Variants in HSD17B3 observed in about 807,000 individuals in gnomAD.
HSD17B3 encodes the protein 17-beta-hydroxysteroid dehydrogenase type 3.
A neutral mutation model predicts 41.1 loss-of-function variants in HSD17B3; 29 were observed. That is an observed-to-expected ratio of 0.71 (90% CI 0.53 to 0.96). The LOEUF (loss-of-function observed/expected upper bound fraction) is 0.96, where lower values mean the gene tolerates loss of function less well. Among genes scored for constraint, HSD17B3 ranks in the 40% least tolerant of loss-of-function variants. HSD17B3 has a pLI of 0.00. For synonymous variants in HSD17B3, 126 were observed against 145.6 expected (o/e 0.87, Z 0.97); for missense variants, 323 against 374.6 (o/e 0.86, Z 1.14).
In HSD17B3 at chr9:96,240,813, A is replaced by G; in HGVS notation, c.767T>C (p.Leu256Ser). The G allele has an allele frequency of 6.2e-7, 1 of 1,614,214 alleles. No individual in the cohort carries two copies. Among genetic ancestry groups the G allele is most frequent in the Non-Finnish European group, 8.5e-7 (1 of 1,180,012 alleles). Residue 256 changes from leucine to serine, a missense_variant, in exon 10 of 11, where the codon TTG (leucine) becomes TCG (serine). Transcript: ENST00000375263. ...KTADEFVKES[L>S]NYVTIGGETC... Reference sequence around the variant, plus strand: ...TTCACCTCCAATTGTGACATAATTCAATGACTCTTTGACAAACTCATCAGC... The same window carrying G: ...TTCACCTCCAATTGTGACATAATTCGATGACTCTTTGACAAACTCATCAGC...
intron 1 of HSD17B3, 131 bp from the exon 2 acceptor site, chr9:96,298,593 A>G: frequency 1.3e-6 from 1 of 791,934 alleles, no homozygotes. Flanking sequence ...TTTGCTCTCC[A>G]GCCCACGCCC....
At chr9:96,285,640 C>T (rs947226403) in intron 2 of HSD17B3, among the ~76,000 whole-genome samples, 7 of 152,136 alleles carry the variant, frequency 4.6e-5, no homozygotes, top group Non-Finnish European at 7.4e-5. Context: ...GTTTGCTCAC[C>T]GTTTTCTTAA....
chr9:96,246,317 T>C, intron 7 of HSD17B3: 2 of 601,740 alleles, frequency 3.3e-6, no homozygotes, highest in Admixed American at 5.6e-5. Context: ...GAAACTGCCG[T>C]TCTCTTCCTC....
intron 2 of HSD17B3, among the ~76,000 whole-genome samples, chr9:96,269,524 G>C (rs967077340): frequency 5.9e-5 from 9 of 152,146 alleles, no homozygotes; most frequent in East Asian, 1.9e-4. Flanking sequence ...ATGTACTGAA[G>C]ATAAATGAAC....
At chr9:96,245,518 G>A (rs866436096) in intron 7 of HSD17B3, 92 bp from the exon 8 acceptor site, 66 of 925,566 alleles carry the variant, frequency 7.1e-5, no homozygotes, top group Admixed American at 1.7e-4. Flanking sequence ...GAACACTGCC[G>A]GACTCGACCC....
Position 96,255,367 on chromosome 9 carries a change from C to CTTTTTTTTTTTTTTTTTTTTTTTTTTT in HSD17B3, c.202-451_202-425dup, listed in dbSNP as rs869145717. ...AAGCAGTGTTTCTGCCCCAACATTTCTTTTTTTTTTTTTTTTTTTTTTTTT... is the reference window on the plus strand; with the variant it reads ...AAGCAGTGTTTCTGCCCCAACATTTCTTTTTTTTTTTTTTTTTTTTTTTTTTTTTTTTTTTTTTTTTTTTTTTTTTTT... On this transcript the variant is annotated intron_variant, in intron 2 of 10. Transcript: ENST00000375263. 1.1e-4 allele frequency among the ~76,000 whole-genome samples: 6 copies of CTTTTTTTTTTTTTTTTTTTTTTTTTTT among 54,566 alleles called. 2 individuals are homozygous for CTTTTTTTTTTTTTTTTTTTTTTTTTTT. Among genetic ancestry groups the CTTTTTTTTTTTTTTTTTTTTTTTTTTT allele is most frequent in the Admixed American group, 5.6e-4 (2 of 3,584 alleles). The allele number at this position is 54,566 out of a possible 152,430, so 35.8% of individuals were successfully genotyped here.
At chr9:96,295,208 C>T (rs1230207694) in intron 2 of HSD17B3, among the ~76,000 whole-genome samples, 3 of 151,752 alleles carry the variant, frequency 2.0e-5, no homozygotes, top group South Asian at 2.1e-4. Flanking sequence ...GGTTTCACTA[C>T]GTTGGTCAGG....
intron 6 of HSD17B3, 108 bp from the exon 7 acceptor site, chr9:96,246,698 A>C: frequency 4.2e-6 from 4 of 951,940 alleles, no homozygotes; most frequent in African/African-American, 1.6e-5. Flanking sequence ...AAAGAGCCTC[A>C]TCTTCTCAGA....
At chr9:96,236,142 AC>A (rs994531590) in intron 10 of HSD17B3, among the ~76,000 whole-genome samples, 27 of 151,676 alleles carry the variant, frequency 1.8e-4, no homozygotes, top group African/African-American at 6.3e-4. Flanking sequence ...CTCTGTGTTA[AC>A]CACCTCCCTG....
intron 9 of HSD17B3, among the ~76,000 whole-genome samples, chr9:96,243,672 T>A (rs1242670402): frequency 6.6e-6 from 1 of 152,256 alleles, no homozygotes; most frequent in Non-Finnish European, 1.5e-5. Flanking sequence ...ACTCTGTTGC[T>A]GAACCAAGCA....
intron 9 of HSD17B3, among the ~76,000 whole-genome samples, chr9:96,242,238 C>T (rs1031481005): frequency 1.3e-5 from 2 of 152,244 alleles, no homozygotes; most frequent in Non-Finnish European, 1.5e-5. Flanking sequence ...AAGGAGTGTG[C>T]TTTCTCCACC....
intron 2 of HSD17B3, among the ~76,000 whole-genome samples, chr9:96,259,518 C>G (rs1379720630): frequency 6.6e-6 from 1 of 152,036 alleles, no homozygotes; most frequent in Non-Finnish European, 1.5e-5. Context: ...GTCAGGAGTT[C>G]GAGACCAGCC....
At chr9:96,272,445 A>ATATATC (rs1564048658) in intron 2 of HSD17B3, among the ~76,000 whole-genome samples, 3 of 99,230 alleles carry the variant, frequency 3.0e-5, no homozygotes, top group African/African-American at 1.1e-4. Context: ...ATATATATAT[A>ATATATC]TAAAATATAT....
At chr9:96,281,843 T>C (rs1826704212) in intron 2 of HSD17B3, among the ~76,000 whole-genome samples, 1 of 152,194 alleles carries the variant, frequency 6.6e-6, no homozygotes, top group African/African-American at 2.4e-5. Context: ...TGTGAGCGTC[T>C]CGCCTCCCCC....
At chr9:96,242,555 C>T (rs565777638) in intron 9 of HSD17B3, among the ~76,000 whole-genome samples, 178 of 152,256 alleles carry the variant, frequency 1.2e-3, no homozygotes, top group Non-Finnish European at 2.0e-3. Flanking sequence ...ATGCATTCAG[C>T]GAGTATTTAT....
At chr9:96,286,816 T>C (rs1826938877) in intron 2 of HSD17B3, among the ~76,000 whole-genome samples, 1 of 152,170 alleles carries the variant, frequency 6.6e-6, no homozygotes, top group Non-Finnish European at 1.5e-5. Context: ...AAAGTTACCT[T>C]ATATGGTCTA....
chr9:96,275,461 T>C (rs1826411534), intron 2 of HSD17B3, among the ~76,000 whole-genome samples: 1 of 152,112 alleles, frequency 6.6e-6, no homozygotes, highest in Admixed American at 6.6e-5. Flanking sequence ...ACACCTGTGG[T>C]CTCAGCTACT....
intron 2 of HSD17B3, among the ~76,000 whole-genome samples, chr9:96,257,048 C>G (rs1374988664): frequency 6.6e-6 from 1 of 152,048 alleles, no homozygotes; most frequent in Non-Finnish European, 1.5e-5. Flanking sequence ...GAGAAGTGCT[C>G]GCTCCCTCTT....
At chr9:96,254,509 GT>G (rs1825548954) in intron 3 of HSD17B3, among the ~76,000 whole-genome samples, 2 of 152,224 alleles carry the variant, frequency 1.3e-5, no homozygotes, top group Non-Finnish European at 2.9e-5. Flanking sequence ...AAATAGTATA[GT>G]TAGTTGAGAA....
Sources: gnomAD v4.1 joint callset for allele counts (sites outside exome capture counted in the v4.1 genomes callset) on GRCh38, gnomAD v4.1.1 for gene constraint, MANE v1.5 for transcripts, NCBI Gene and HGNC (gene_info 2026-07-23, HGNC 2026-07-21) for gene names.